Variants in BCL11A observed in about 807,000 individuals in gnomAD.
BCL11A encodes the protein BCL11 transcription factor A.
Under a neutral mutation model 55.9 loss-of-function variants are expected in BCL11A, and 2 were observed. The ratio of observed to expected loss-of-function variants is 0.04; its 90% CI spans 0.01 to 0.11. The LOEUF (loss-of-function observed/expected upper bound fraction) is 0.11. Among genes scored for constraint, BCL11A ranks in the 10% least tolerant of loss-of-function variants. The pLI, the probability that BCL11A is intolerant of heterozygous loss-of-function variation, is 1.00. For synonymous variants in BCL11A, 465 were observed against 473.4 expected (o/e 0.98, Z 0.23); for missense variants, 817 against 1,137.1 (o/e 0.72, Z 4.05).
At chr2:60,550,839 C>A (rs1670380444) in intron 1 of BCL11A, 1 of 398,790 alleles carries the variant, frequency 2.5e-6, no homozygotes, top group African/African-American at 2.1e-5. Flanking sequence ...CCGAGTCCTG[C>A]GAACACTGCC....
Position 60,505,882 on chromosome 2 carries a change from G to A in BCL11A, c.386-37049C>T, listed in dbSNP as rs187925607. On this transcript the variant is annotated intron_variant, in intron 2 of 3. Coordinates refer to ENST00000642384, the MANE Select transcript of BCL11A (RefSeq NM_022893.4). ...GAAATCCCTCCCAAAACAACGGTGG[G>A]CAGAAAAATCTGCATCCCGTAAATA... 7.9e-5 allele frequency among the ~76,000 whole-genome samples: 12 copies of A among 152,288 alleles called. No homozygotes were observed. The East Asian group carries it at 2.1e-3, about 27-fold the overall frequency.
At chr2:60,511,341 G>A (rs751956798) in intron 2 of BCL11A, among the ~76,000 whole-genome samples, 10 of 152,226 alleles carry the variant, frequency 6.6e-5, no homozygotes, top group African/African-American at 1.4e-4. Flanking sequence ...GTGCTCCCCA[G>A]TAGGCAATAA....
intron 2 of BCL11A, among the ~76,000 whole-genome samples, chr2:60,476,144 C>T (rs774569701): frequency 6.6e-6 from 1 of 152,152 alleles, no homozygotes; most frequent in Non-Finnish European, 1.5e-5. Flanking sequence ...TGACCTTGAC[C>T]TGGATGAGGA....
intron 2 of BCL11A, among the ~76,000 whole-genome samples, chr2:60,499,452 T>C (rs1374253152): frequency 1.3e-5 from 2 of 152,166 alleles, no homozygotes; most frequent in East Asian, 3.8e-4. Context: ...TTAGCCCCAT[T>C]TTATAGATAA....
chr2:60,503,176 C>T (rs987893083), intron 2 of BCL11A, among the ~76,000 whole-genome samples: 2 of 152,178 alleles, frequency 1.3e-5, no homozygotes, highest in Admixed American at 1.3e-4. Flanking sequence ...CTGGTCACTC[C>T]TAGTCCCAAG....
At chr2:60,517,172 G>A (rs1276332322) in intron 2 of BCL11A, among the ~76,000 whole-genome samples, 1 of 152,192 alleles carries the variant, frequency 6.6e-6, no homozygotes, top group Non-Finnish European at 1.5e-5. Flanking sequence ...AACTAGGGTG[G>A]TGAGGAAGAG....
Position 60,461,144 on chromosome 2 carries a change from C to A in BCL11A, c.1768G>T (p.Val590Leu). 2 of 1,611,984 alleles carry A rather than the reference C, an allele frequency of 1.2e-6. No individual in the cohort carries two copies. The highest frequency in any genetic ancestry group is 1.7e-6 in the Non-Finnish European group (2 of 1,179,568). Residue 590 changes from valine (V) to leucine (L), a missense_variant, in exon 4 of 4, where the codon GTG becomes TTG. Physicochemically the swap from Val to Leu is conservative, Grantham distance 32. This residue lies in a region of BCL11A where 379 missense variants were observed against 425.3 expected (regional missense o/e 0.89). Transcript: ENST00000642384. ...GHRDTCDEDSVAGESDRIDDG... is the reference protein window; with the variant it reads ...GHRDTCDEDSLAGESDRIDDG... The stretch of plus-strand genomic sequence containing the variant: ...TCTATGCGGTCCGACTCGCCGGCCA[C>A]CGAGTCTTCGTCGCAAGTGTCCCTG...
At chr2:60,480,784 G>A (rs1009823424) in intron 2 of BCL11A, among the ~76,000 whole-genome samples, 2 of 152,070 alleles carry the variant, frequency 1.3e-5, no homozygotes, top group Admixed American at 6.5e-5. Flanking sequence ...TTACTAGTCT[G>A]GGTCCCTTTC....
In BCL11A at chr2:60,545,918, C is replaced by G. The variant is rs1032293645; in HGVS notation, c.385+53G>C. The G allele has an allele frequency of 9.1e-6, 14 of 1,535,922 alleles. No homozygotes were observed. In the African/African-American group the frequency reaches 1.8e-4, roughly 20 times the overall value. On this transcript the variant is annotated intron_variant, in intron 2 of 3. Coordinates refer to ENST00000642384, the MANE Select transcript of BCL11A (RefSeq NM_022893.4). ...TCCTTACTGCTTGGCTACAGCACCT[C>G]TGAAAATGAAAAGAAAACATGCAAA...
chr2:60,482,276 G>A (rs556835368), intron 2 of BCL11A, among the ~76,000 whole-genome samples: 6 of 151,444 alleles, frequency 4.0e-5, no homozygotes, highest in South Asian at 4.2e-4. Context: ...TCCTGTTCAC[G>A]GAGCGGACAG....
chr2:60,523,446 T>C (rs1170403735), intron 2 of BCL11A, among the ~76,000 whole-genome samples: 2 of 152,242 alleles, frequency 1.3e-5, no homozygotes, highest in South Asian at 2.1e-4. Flanking sequence ...AACTTCTATA[T>C]TGATTTGATG....
downstream of BCL11A, chr2:60,450,636 G>A (rs1675691217): frequency 6.6e-6 from 1 of 152,242 alleles, no homozygotes; most frequent in Non-Finnish European, 1.5e-5. Flanking sequence ...CAACACATAG[G>A]CAGAGCATGG....
intron 2 of BCL11A, among the ~76,000 whole-genome samples, chr2:60,488,723 C>T (rs972302546): frequency 6.6e-6 from 1 of 152,116 alleles, no homozygotes; most frequent in Non-Finnish European, 1.5e-5. Flanking sequence ...AAAGCCACTG[C>T]TACCCAAAAC....
rs1676306636 is a variant in BCL11A, at chr2:60,461,759, T to C, written c.1153A>G (p.Thr385Ala). ...KSKSCEFCGK[T>A]FKFQSNLVVH... ...ACCAGGTTGCTCTGAAATTTGAACG[T>C]CTTGCCGCAGAACTCGCATGACTTG... is the stretch of plus-strand genomic sequence containing the variant. The change falls in exon 4 of 4, where the codon ACG becomes GCG. Residue 385 changes from threonine to alanine, a missense_variant. Transcript: ENST00000642384. The C allele has an allele frequency of 3.1e-6, 5 of 1,612,810 alleles. No homozygotes were observed. Among genetic ancestry groups the C allele is most frequent in the Non-Finnish European group, 3.4e-6 (4 of 1,179,778 alleles).
intron 2 of BCL11A, chr2:60,541,867 T>C (rs183493652): frequency 2.3e-5 from 16 of 694,914 alleles, no homozygotes; most frequent in East Asian, 8.4e-5. Context: ...CTATAATTTA[T>C]AGTCTCATTT....
At chr2:60,469,692 A>G (rs1280171835) in intron 2 of BCL11A, among the ~76,000 whole-genome samples, 4 of 152,232 alleles carry the variant, frequency 2.6e-5, no homozygotes, top group African/African-American at 9.6e-5. Context: ...AAACATTTGT[A>G]GCACTGAGAT....
chr2:60,461,406 C>A lies in BCL11A; in HGVS notation c.1506G>T (p.Glu502Asp). The change falls in exon 4 of 4, where the codon GAG becomes GAT. Residue 502 changes from glutamate to aspartate, a missense_variant. Around this residue, in one of 4 missense-constraint regions of BCL11A, gnomAD observed 379 missense variants for 425.3 expected, o/e 0.89. Transcript: ENST00000642384. ...CCCTCTCGCTCTCCGTCAGCTCCTC[C>A]TCCTCCTCTTCCTCCTCTTCTTCCT... ...EEEEEEEEEE[E>D]EELTESERVD... is the part of the protein sequence containing the mutation. 1 of 1,605,424 alleles carries A rather than the reference C, an allele frequency of 6.2e-7. No homozygotes were observed.
At chr2:60,487,775 C>A (rs1445869812) in intron 2 of BCL11A, among the ~76,000 whole-genome samples, 1 of 152,226 alleles carries the variant, frequency 6.6e-6, no homozygotes, top group African/African-American at 2.4e-5. Flanking sequence ...ATCAACCATT[C>A]TATCTAAGGA....
At chr2:60,454,521 G>A (rs143518983), downstream of BCL11A, among the ~76,000 whole-genome samples, 5 of 152,204 alleles carry the variant, frequency 3.3e-5, no homozygotes, top group Non-Finnish European at 5.9e-5. Flanking sequence ...CAGGGACAAT[G>A]GAGTAACAGA....
Sources: gnomAD v4.1 joint callset for allele counts (sites outside exome capture counted in the v4.1 genomes callset) on GRCh38, gnomAD v4.1.1 for gene constraint, gnomAD v4.1.1 regional missense constraint, MANE v1.5 for transcripts, NCBI Gene and HGNC (gene_info 2026-07-23, HGNC 2026-07-21) for gene names.